Variants in CRISPLD2 observed in about 807,000 individuals in gnomAD.
The protein encoded by CRISPLD2 is cysteine rich secretory protein LCCL domain containing 2, also known as cysteine-rich secretory protein LCCL domain-containing 2.
Under a neutral mutation model 71.1 loss-of-function variants are expected in CRISPLD2, and 47 were observed. The ratio of observed to expected loss-of-function variants is 0.66; its 90% confidence interval spans 0.52 to 0.84. The LOEUF (loss-of-function observed/expected upper bound fraction) is 0.84. CRISPLD2 is among the 40% of genes least tolerant of loss of function. The pLI, the probability that CRISPLD2 is intolerant of heterozygous loss-of-function variation, is 0.00. For missense variants in CRISPLD2, 830 were observed against 651.1 expected (o/e 1.27, Z -2.99); for synonymous variants, 317 against 250.1 (o/e 1.27, Z -2.52).
intron 6 of CRISPLD2, among the ~76,000 whole-genome samples, chr16:84,864,993 C>G (rs1237683612): frequency 1.3e-5 from 2 of 152,138 alleles, no homozygotes; most frequent in African/African-American, 4.8e-5. Context: ...ATGGAGAACC[C>G]CAGCCCAGGA....
At chr16:84,829,079 G>T (rs1476037421) in intron 1 of CRISPLD2, 1 of 150,160 alleles carries the variant, frequency 6.7e-6, no homozygotes, top group South Asian at 2.1e-4. Flanking sequence ...GTCTCAAAAA[G>T]GAAAAAAAAA....
In CRISPLD2 at chr16:84,838,695, G is replaced by A. The variant is rs764058047; in HGVS notation, c.200G>A (p.Arg67Gln). 8.7e-6 allele frequency: 14 copies of A among 1,613,914 alleles called. No homozygotes were observed. The highest frequency in any genetic ancestry group is 1.2e-5 in the Non-Finnish European group (14 of 1,180,036). The part of the protein sequence containing the change: ...EEILMLHNKL[R>Q]GQVQPQASNM... The stretch of plus-strand genomic sequence containing the variant: ...ATCCTCATGCTGCACAACAAGCTTC[G>A]GGGCCAGGTGCAGCCTCAGGCCTCC... Residue 67 changes from arginine (R) to glutamine (Q), a missense_variant, in exon 2 of 15, where the codon CGG (arginine) becomes CAG (glutamine). Arg to Gln is a conservative substitution (Grantham distance 43). Coordinates refer to ENST00000262424, the MANE Select transcript of CRISPLD2 (RefSeq NM_031476.4).
intron 13 of CRISPLD2, among the ~76,000 whole-genome samples, chr16:84,886,207 A>T (rs2071611901): frequency 6.6e-6 from 1 of 152,066 alleles, no homozygotes. Context: ...ATTTTCAAAG[A>T]GCCCGCCTCT....
At chr16:84,866,807 G>C in intron 6 of CRISPLD2, 90 bp from the exon 7 acceptor site, 2 of 1,270,754 alleles carry the variant, frequency 1.6e-6, no homozygotes, top group Non-Finnish European at 2.2e-6. Flanking sequence ...CCTCAAACAC[G>C]TTTAGTTTTC....
chr16:84,876,318 A>G (rs2071517901), intron 11 of CRISPLD2, among the ~76,000 whole-genome samples: 1 of 152,318 alleles, frequency 6.6e-6, no homozygotes. Flanking sequence ...CCTGGCCAAC[A>G]TGGTGAAACC....
intron 1 of CRISPLD2, among the ~76,000 whole-genome samples, chr16:84,820,879 TG>T (rs1180898621): frequency 6.6e-6 from 1 of 152,106 alleles, no homozygotes; most frequent in Non-Finnish European, 1.5e-5. Context: ...CTCTGGAGTG[TG>T]GGGGAGATCG....
chr16:84,883,582 C>G (rs1393212816), intron 13 of CRISPLD2, among the ~76,000 whole-genome samples: 1 of 152,212 alleles, frequency 6.6e-6, no homozygotes, highest in African/African-American at 2.4e-5. Context: ...AGGGCTGGAA[C>G]AGATTTCTAG....
intron 14 of CRISPLD2, among the ~76,000 whole-genome samples, chr16:84,898,740 G>A (rs1348242108): frequency 6.6e-6 from 1 of 152,182 alleles, no homozygotes; most frequent in East Asian, 1.9e-4. Context: ...CCCAGCACTT[G>A]GCACATAGCA....
intron 2 of CRISPLD2, chr16:84,839,404 A>T: frequency 5.6e-6 from 1 of 178,994 alleles, no homozygotes; most frequent in East Asian, 1.6e-4. Context: ...ACTTCTCCTT[A>T]GCCCGTGTGA....
intron 14 of CRISPLD2, among the ~76,000 whole-genome samples, chr16:84,903,804 T>G (rs2641669): frequency 0.63 from 96,452 of 151,934 alleles, 31,581 homozygotes; most frequent in East Asian, 0.85. Context: ...CACCACAGAG[T>G]CATACAACGA....
chr16:84,830,708 TAA>T (rs34363184), intron 1 of CRISPLD2, among the ~76,000 whole-genome samples: 2 of 143,058 alleles, frequency 1.4e-5, no homozygotes, highest in Admixed American at 7.0e-5. Flanking sequence ...GACTCTGTCT[TAA>T]AAAAAAAAAA....
In CRISPLD2 at chr16:84,850,677, C is replaced by G. The variant is rs753278157; in HGVS notation, c.602C>G (p.Ser201Cys). 20 of 1,612,794 alleles carry G rather than the reference C, an allele frequency of 1.2e-5. No individual in the cohort carries two copies. The highest frequency in any genetic ancestry group is 1.7e-5 in the Non-Finnish European group (20 of 1,178,900). The part of the protein sequence containing the change: ...ENAVYFVCNY[S>C]PKGNWIGEAP... ...GCGGTCTACTTTGTCTGCAATTATT[C>G]TCCAAAGTAAGACAAGTTGATGCCG... Residue 201 changes from serine to cysteine, a missense_variant, in exon 5 of 15, where the codon TCT becomes TGT. By Grantham distance (112) the Ser-to-Cys change is moderately radical. Transcript: ENST00000262424.
intron 6 of CRISPLD2, among the ~76,000 whole-genome samples, chr16:84,859,668 G>A (rs1304844322): frequency 6.6e-6 from 1 of 152,222 alleles, no homozygotes; most frequent in Non-Finnish European, 1.5e-5. Context: ...TTCTGCTTAT[G>A]TAAATTAAGT....
At chr16:84,835,786 C>T (rs1916603523) in intron 1 of CRISPLD2, among the ~76,000 whole-genome samples, 2 of 152,196 alleles carry the variant, frequency 1.3e-5, no homozygotes, top group African/African-American at 4.8e-5. Context: ...CTGTGGAAGT[C>T]CCTTTAACAT....
intron 6 of CRISPLD2, among the ~76,000 whole-genome samples, chr16:84,863,991 A>AG (rs1486851517): frequency 4.0e-5 from 5 of 125,056 alleles, no homozygotes; most frequent in South Asian, 5.7e-4. Context: ...AAAGAGAGAG[A>AG]GAAAAAAAAA....
At chr16:84,827,886 G>A (rs960550499) in intron 1 of CRISPLD2, among the ~76,000 whole-genome samples, 3 of 152,110 alleles carry the variant, frequency 2.0e-5, no homozygotes, top group African/African-American at 4.8e-5. Context: ...CTTTCTTTAA[G>A]AGCTCAGCAG....
chr16:84,872,468 A>T lies in CRISPLD2; in HGVS notation c.941A>T (p.Asn314Ile). The change falls in exon 9 of 15, where the codon AAC becomes ATC. Residue 314 changes from asparagine (N) to isoleucine (I), a missense_variant. Asn to Ile is a moderately radical substitution (Grantham distance 149). Coordinates refer to ENST00000262424, the MANE Select transcript of CRISPLD2 (RefSeq NM_031476.4). ...TACCAGTGCCCAGCAGGCTGCCTGA[A>T]CCACAAGGCGAAGATCTTTGGAACT... ...NRYQCPAGCL[N>I]HKAKIFGTLF... 6.2e-7 allele frequency: 1 copy of T among 1,614,050 alleles called. No individual in the cohort carries two copies. The highest frequency in any genetic ancestry group is 8.5e-7 in the Non-Finnish European group (1 of 1,179,962).
intron 2 of CRISPLD2, 99 bp downstream of exon 2, chr16:84,838,834 G>T (rs560555730): frequency 6.5e-4 from 934 of 1,428,582 alleles, no homozygotes; most frequent in Admixed American, 1.1e-3. Flanking sequence ...CAGCCAGTGC[G>T]TGTGATGGCT....
chr16:84,821,920 G>A (rs752784310), intron 1 of CRISPLD2, among the ~76,000 whole-genome samples: 2 of 152,220 alleles, frequency 1.3e-5, no homozygotes, highest in Admixed American at 1.3e-4. Flanking sequence ...AATTATTAAG[G>A]TGTGTGCCCA....
Sources: gnomAD v4.1 joint callset for allele counts (sites outside exome capture counted in the v4.1 genomes callset) on GRCh38, gnomAD v4.1.1 for gene constraint, MANE v1.5 for transcripts, NCBI Gene and HGNC (gene_info 2026-07-23, HGNC 2026-07-21) for gene names.